Variants in DLGAP2 observed in about 807,000 individuals in gnomAD.
The protein encoded by DLGAP2 is DLG associated protein 2.
In DLGAP2, 26 loss-of-function variants were observed where a neutral mutation model predicts 100.3. The ratio of observed to expected loss-of-function variants is 0.26; its 90% CI spans 0.19 to 0.36. The LOEUF (loss-of-function observed/expected upper bound fraction) is 0.36, where lower values mean the gene tolerates loss of function less well. Among genes scored for constraint, DLGAP2 ranks in the 10% least tolerant of loss-of-function variants. DLGAP2 has a pLI of 1.00. For synonymous variants in DLGAP2, 886 were observed against 630.1 expected, an observed-to-expected ratio of 1.41 and a Z score of -6.08; for missense variants, 1,858 against 1,453.2, an observed-to-expected ratio of 1.28 and a Z score of -4.53.
At chr8:890,980 TG>T (rs1163716797) in intron 1 of DLGAP2, among the ~76,000 whole-genome samples, 1 of 152,078 alleles carries the variant, frequency 6.6e-6, no homozygotes, top group Non-Finnish European at 1.5e-5. Context: ...CCCCAGGACC[TG>T]GGTCAGTGCT....
At chr8:797,141 C>G (rs1183780454) in intron 1 of DLGAP2, among the ~76,000 whole-genome samples, 2 of 152,114 alleles carry the variant, frequency 1.3e-5, no homozygotes, top group South Asian at 4.1e-4. Context: ...GACAATTGAA[C>G]ACGACCCTGT....
intron 1 of DLGAP2, among the ~76,000 whole-genome samples, chr8:816,253 A>G (rs1017984319): frequency 7.1e-6 from 1 of 141,646 alleles, no homozygotes; most frequent in Admixed American, 7.4e-5. Flanking sequence ...TCATCATGCT[A>G]TTTGTTTCCT....
intron 2 of DLGAP2, among the ~76,000 whole-genome samples, chr8:1,126,478 G>C (rs972131028): frequency 6.6e-6 from 1 of 151,890 alleles, no homozygotes; most frequent in African/African-American, 2.4e-5. Flanking sequence ...AGGGAGGCAA[G>C]GCAGGTGAGG....
At chr8:1,040,373 T>TCGGTGTGCG in intron 2 of DLGAP2, among the ~76,000 whole-genome samples, 6 of 137,882 alleles carry the variant, frequency 4.4e-5, no homozygotes, top group Non-Finnish European at 8.2e-5. Flanking sequence ...CGTGGTCAGC[T>TCGGTGTGCG]TGGTTTCCGT....
At chr8:1,609,325 C>T (rs1370020125) in intron 6 of DLGAP2, among the ~76,000 whole-genome samples, 2 of 138,038 alleles carry the variant, frequency 1.4e-5, no homozygotes, top group Non-Finnish European at 3.2e-5. Context: ...AAATACTTTA[C>T]AGACAAGCAA....
rs1563043347 is a variant in DLGAP2, at chr8:1,255,007, T to TG, written c.74-3844_74-3843insG. ...CTGTGTGTGTGTCCTCTCATCCTGCTTGGGCGCTGTGTGTGTGTCTTCTCC... is the reference window on the plus strand; with the variant it reads ...CTGTGTGTGTGTCCTCTCATCCTGCTGTGGGCGCTGTGTGTGTGTCTTCTCC... On this transcript the variant is annotated intron_variant, in intron 2 of 14. Transcript: ENST00000637795. Among the ~76,000 whole-genome samples, 69 of 32,028 alleles carry TG rather than the reference T, an allele frequency of 2.2e-3. 4 individuals carry two copies. Among genetic ancestry groups the TG allele is most frequent in the African/African-American group, 7.0e-3 (55 of 7,824 alleles). 21.0% of individuals were successfully genotyped at this position (32,028 alleles called of 152,430 possible). A position where few individuals can be genotyped will look rare whatever the true frequency, so the allele number is the denominator to read the frequency against.
chr8:1,197,478 G>A (rs1797776855), intron 2 of DLGAP2, among the ~76,000 whole-genome samples: 1 of 152,230 alleles, frequency 6.6e-6, no homozygotes, highest in Non-Finnish European at 1.5e-5. Flanking sequence ...CACTGTTTAT[G>A]TTCCATAAAG....
At chr8:1,615,621 G>T (rs1372449103) in intron 6 of DLGAP2, among the ~76,000 whole-genome samples, 1 of 147,584 alleles carries the variant, frequency 6.8e-6, no homozygotes, top group African/African-American at 2.5e-5. Flanking sequence ...GAATTCACCG[G>T]AAAGATCTTT....
At chr8:1,647,729 GTC>G (rs969931583) in intron 8 of DLGAP2, among the ~76,000 whole-genome samples, 2 of 152,070 alleles carry the variant, frequency 1.3e-5, no homozygotes, top group Admixed American at 6.6e-5. Flanking sequence ...CCCCTGCCGG[GTC>G]TCTCTCTCAT....
At chr8:757,721 A>G (rs566814363) in intron 1 of DLGAP2, among the ~76,000 whole-genome samples, 1 of 152,168 alleles carries the variant, frequency 6.6e-6, no homozygotes, top group South Asian at 2.1e-4. Flanking sequence ...TGATTTTCCT[A>G]TTTTAGGTTC....
intron 2 of DLGAP2, among the ~76,000 whole-genome samples, chr8:1,189,277 T>C (rs1398579115): frequency 1.3e-5 from 2 of 152,214 alleles, no homozygotes; most frequent in African/African-American, 4.8e-5. Context: ...CGGGAGTCAC[T>C]GTCGCTCAGT....
Position 834,372 on chromosome 8 carries a change from A to G in DLGAP2, c.19-73540A>G, listed in dbSNP as rs115513021. Among the ~76,000 whole-genome samples, 875 of 152,338 alleles carry G rather than the reference A, an allele frequency of 5.7e-3. 8 individuals are homozygous for G. Among genetic ancestry groups the G allele is most frequent in the African/African-American group, 0.02 (818 of 41,564 alleles). ...AAAGACAAGCTGAGAAGTTTAAGCCATTATAGTTCCATGAAGTTCATAATA... is the reference window on the plus strand; with the variant it reads ...AAAGACAAGCTGAGAAGTTTAAGCCGTTATAGTTCCATGAAGTTCATAATA... On this transcript the variant is annotated intron_variant, in intron 1 of 14. Transcript: ENST00000637795.
chr8:823,783 T>C (rs576488388), intron 1 of DLGAP2, among the ~76,000 whole-genome samples: 1 of 152,326 alleles, frequency 6.6e-6, no homozygotes, highest in South Asian at 2.1e-4. Flanking sequence ...CTGTCAGAAG[T>C]GCAGGGAGGC....
intron 2 of DLGAP2, among the ~76,000 whole-genome samples, chr8:1,158,378 G>A (rs1450203466): frequency 6.6e-6 from 1 of 152,218 alleles, no homozygotes; most frequent in Admixed American, 6.5e-5. Context: ...TCCCTCAGTA[G>A]ACAGTGTGTG....
intron 3 of DLGAP2, among the ~76,000 whole-genome samples, chr8:1,414,547 T>G (rs10094948): frequency 0.36 from 54,919 of 151,902 alleles, 10,540 homozygotes; most frequent in East Asian, 0.6. Flanking sequence ...GACCGGGCTG[T>G]GGGTCCCAGT....
chr8:1,545,568 C>T (rs1281011903), intron 4 of DLGAP2, among the ~76,000 whole-genome samples: 1 of 152,168 alleles, frequency 6.6e-6, no homozygotes, highest in Non-Finnish European at 1.5e-5. Context: ...AAGAAATTAC[C>T]AGCCCCTAAG....
intron 2 of DLGAP2, among the ~76,000 whole-genome samples, chr8:1,086,322 A>G (rs886568659): frequency 2.0e-5 from 3 of 152,160 alleles, no homozygotes; most frequent in Non-Finnish European, 2.9e-5. Context: ...AAGAGTGGGC[A>G]TTTTTGTCTT....
intron 5 of DLGAP2, among the ~76,000 whole-genome samples, chr8:1,563,005 C>T (rs559024634): frequency 1.7e-4 from 10 of 58,230 alleles, no homozygotes; most frequent in African/African-American, 7.0e-4. Context: ...GTCCGCGCCT[C>T]GTTGCTGGGG....
chr8:1,418,192 G>A (rs542576359), intron 3 of DLGAP2, among the ~76,000 whole-genome samples: 1 of 152,298 alleles, frequency 6.6e-6, no homozygotes, highest in Non-Finnish European at 1.5e-5. Flanking sequence ...GATCTTGGGT[G>A]GCCCAAAGAA....
Sources: allele counts gnomAD v4.1 joint callset (sites outside exome capture counted in the v4.1 genomes callset), GRCh38; gene constraint gnomAD v4.1.1; transcripts MANE v1.5; gene names NCBI Gene and HGNC (gene_info 2026-07-23, HGNC 2026-07-21).